PAK1: variants seen among roughly 807,000 people sequenced by gnomAD.
PAK1 encodes the protein serine/threonine-protein kinase PAK 1.
PAK1 carries 29 observed loss-of-function variants against 67.4 expected under a neutral mutation model. That is an observed-to-expected ratio of 0.43 (90% confidence interval 0.32 to 0.59). The LOEUF is 0.59. Among genes scored for constraint, PAK1 ranks in the 20% least tolerant of loss-of-function variants. PAK1 has a pLI of 0.07. For synonymous variants in PAK1, 223 were observed against 237.4 expected, an observed-to-expected ratio of 0.94 and a Z score of 0.56; for missense variants, 337 against 670.7, an observed-to-expected ratio of 0.50 and a Z score of 5.50.
At chr11:77,381,596 C>T (rs1270384829) in intron 2 of PAK1, among the ~76,000 whole-genome samples, 3 of 152,216 alleles carry the variant, frequency 2.0e-5, no homozygotes, top group Admixed American at 6.5e-5. Flanking sequence ...ACATTAAGAA[C>T]TTGCCATGTA....
chr11:77,336,684 A>C (rs1942743550), intron 12 of PAK1, among the ~76,000 whole-genome samples: 1 of 152,028 alleles, frequency 6.6e-6, no homozygotes, highest in South Asian at 2.1e-4. Flanking sequence ...TTTAAACCCC[A>C]ATCACCTATG....
chr11:77,332,447 G>C (rs1488340548), intron 14 of PAK1, among the ~76,000 whole-genome samples: 2 of 147,972 alleles, frequency 1.4e-5, no homozygotes, highest in Non-Finnish European at 3.0e-5. Flanking sequence ...AAGGAAGGAA[G>C]GAAGCAAGCA....
chr11:77,385,645 CAGG>C (rs1375857338), intron 2 of PAK1, among the ~76,000 whole-genome samples: 1 of 152,080 alleles, frequency 6.6e-6, no homozygotes, highest in African/African-American at 2.4e-5. Context: ...CACCTGAGGT[CAGG>C]AGTTCAAGAC....
the PAK1 span, among the ~76,000 whole-genome samples, chr11:77,499,951 C>T: frequency 6.6e-6 from 1 of 152,192 alleles, no homozygotes; most frequent in Non-Finnish European, 1.5e-5. Context: ...GCGAACACTT[C>T]CATCTCTGCT....
the PAK1 span, among the ~76,000 whole-genome samples, chr11:77,480,266 C>T: frequency 6.6e-6 from 1 of 151,908 alleles, no homozygotes; most frequent in Admixed American, 6.6e-5. Context: ...CAAATGTTAC[C>T]TCATCAGAGA....
the PAK1 span, among the ~76,000 whole-genome samples, chr11:77,527,495 G>T: frequency 2.2e-3 from 336 of 152,290 alleles, no homozygotes; most frequent in African/African-American, 7.6e-3. Flanking sequence ...ATCTTCTGAT[G>T]TAGGTAATGT....
intron 11 of PAK1, among the ~76,000 whole-genome samples, chr11:77,340,220 A>G (rs1009486069): frequency 6.6e-6 from 1 of 152,150 alleles, no homozygotes; most frequent in Non-Finnish European, 1.5e-5. Flanking sequence ...CTTGTCTAAA[A>G]TAGTACTTCC....
rs1348848493 is a variant in PAK1, at chr11:77,322,441, T to C, written c.*833A>G. On this transcript the variant is annotated 3_prime_UTR_variant, in exon 15 of 15. Coordinates refer to ENST00000356341, the MANE Select transcript of PAK1 (RefSeq NM_002576.5). ...CTGAGTTCCTGAAACATCACACAAGTAGAGCTGGACAGGTGCTGATGCCCA... is the reference window on the plus strand; with the variant it reads ...CTGAGTTCCTGAAACATCACACAAGCAGAGCTGGACAGGTGCTGATGCCCA... 1 of 194,972 alleles carries C rather than the reference T, an allele frequency of 5.1e-6. No homozygotes were observed. Among genetic ancestry groups the C allele is most frequent in the African/African-American group, 2.3e-5 (1 of 43,164 alleles). 12.1% of individuals were successfully genotyped at this position (194,972 alleles called of 1,614,324 possible).
chr11:77,349,457 T>C, intron 8 of PAK1, 170 bp from the exon 9 acceptor site: 1 of 632,674 alleles, frequency 1.6e-6, no homozygotes, highest in Non-Finnish European at 2.9e-6. Flanking sequence ...TAAGAGGTAG[T>C]ACAGAGAATG....
chr11:77,364,443 A>G (rs1321781819), intron 5 of PAK1, among the ~76,000 whole-genome samples: 1 of 152,108 alleles, frequency 6.6e-6, no homozygotes, highest in Non-Finnish European at 1.5e-5. Context: ...CAACAACAAA[A>G]CCACCACAAA....
chr11:77,392,135 A>C (rs1222571241), intron 2 of PAK1, among the ~76,000 whole-genome samples, 196 bp downstream of exon 2: 1 of 152,182 alleles, frequency 6.6e-6, no homozygotes, highest in Non-Finnish European at 1.5e-5. Context: ...AGTTTTGCTC[A>C]GATATAGTTA....
chr11:77,443,579 A>T (rs1956460139), intron 1 of PAK1, among the ~76,000 whole-genome samples: 1 of 152,172 alleles, frequency 6.6e-6, no homozygotes, highest in African/African-American at 2.4e-5. Flanking sequence ...CCCATGTAAT[A>T]CTCCATTTTA....
At chr11:77,344,134 T>C (rs536294449) in intron 9 of PAK1, among the ~76,000 whole-genome samples, 18 of 152,152 alleles carry the variant, frequency 1.2e-4, no homozygotes, top group Non-Finnish European at 2.5e-4. Flanking sequence ...TGGGAGCTTG[T>C]TGGAAATAAA....
chr11:77,330,963 A>C (rs1941365450), intron 14 of PAK1, among the ~76,000 whole-genome samples: 1 of 152,214 alleles, frequency 6.6e-6, no homozygotes, highest in Non-Finnish European at 1.5e-5. Context: ...ACCCCATCAA[A>C]AAGTGGGCGA....
intron 1 of PAK1, among the ~76,000 whole-genome samples, chr11:77,454,106 C>T (rs1173264729): frequency 6.6e-6 from 1 of 152,090 alleles, no homozygotes; most frequent in Non-Finnish European, 1.5e-5. Flanking sequence ...ACTACCTTAG[C>T]CAAGTATCAT....
chr11:77,444,448 A>G (rs1331700514), intron 1 of PAK1, among the ~76,000 whole-genome samples: 1 of 152,194 alleles, frequency 6.6e-6, no homozygotes, highest in Non-Finnish European at 1.5e-5. Context: ...CCTAACCCCC[A>G]GAGCCACAGA....
At chr11:77,353,745 T>G in intron 7 of PAK1, 146 bp from the exon 8 acceptor site, 1 of 648,922 alleles carries the variant, frequency 1.5e-6, no homozygotes, top group Non-Finnish European at 2.7e-6. Context: ...CCTCAGCTTT[T>G]CCCCCATAAG....
chr11:77,478,436 C>T (rs1958082766), upstream of PAK1, among the ~76,000 whole-genome samples: 1 of 152,136 alleles, frequency 6.6e-6, no homozygotes, highest in Non-Finnish European at 1.5e-5. Flanking sequence ...TGAGCCATTA[C>T]TCCAAAGAGC....
At chr11:77,455,956 G>C (rs539834997) in intron 1 of PAK1, 6 of 152,322 alleles carry the variant, frequency 3.9e-5, no homozygotes, top group African/African-American at 7.2e-5. Flanking sequence ...AAGGGACAGA[G>C]AGGAAGGAGA....
Sources: gnomAD v4.1 joint callset for allele counts (sites outside exome capture counted in the v4.1 genomes callset) on GRCh38, gnomAD v4.1.1 for gene constraint, MANE v1.5 for transcripts, NCBI Gene and HGNC (gene_info 2026-07-23, HGNC 2026-07-21) for gene names.